Variants in HDAC9 observed in about 807,000 individuals in gnomAD.
HDAC9 encodes MEF-2 interacting transcription repressor (MITR) protein.
A neutral mutation model predicts 139.4 loss-of-function variants in HDAC9; 41 were observed. That is an observed-to-expected ratio of 0.29 (90% CI 0.23 to 0.38). HDAC9 has a LOEUF of 0.38. HDAC9 is among the 10% of genes least tolerant of loss of function. HDAC9 has a pLI of 1.00. For missense variants in HDAC9, 1,147 were observed against 1,297.0 expected (o/e 0.88, Z 1.78); for synonymous variants, 517 against 476.2 (o/e 1.09, Z -1.12).
At chr7:18,334,415 TC>T (rs1781434239) in intron 1 of HDAC9, among the ~76,000 whole-genome samples, 2 of 151,450 alleles carry the variant, frequency 1.3e-5, no homozygotes, top group African/African-American at 4.8e-5. Flanking sequence ...AAAAAGCTAT[TC>T]CTGCAGGAAA....
At chr7:18,706,431 A>T (rs1584883372) in intron 12 of HDAC9, among the ~76,000 whole-genome samples, 1 of 152,176 alleles carries the variant, frequency 6.6e-6, no homozygotes, top group Non-Finnish European at 1.5e-5. Flanking sequence ...ATAAAACAAC[A>T]AGCTGTTCCC....
chr7:18,496,336 T>C lies in HDAC9; in HGVS notation c.22+12T>C. 1 of 1,611,188 alleles carries C rather than the reference T, an allele frequency of 6.2e-7. No individual in the cohort carries two copies. Among genetic ancestry groups the C allele is most frequent in the Non-Finnish European group, 8.5e-7 (1 of 1,177,914 alleles). ...TATGATCAGCTCAGGTAAGATCCTC[T>C]TTCATAACTGAGACGTTTTAGGTTT... is the stretch of plus-strand genomic sequence containing the variant. On this transcript the variant is annotated intron_variant, in intron 2 of 25. Transcript: ENST00000686413.
intron 1 of HDAC9, among the ~76,000 whole-genome samples, chr7:18,342,020 C>T (rs1782052426): frequency 6.6e-6 from 1 of 151,634 alleles, no homozygotes; most frequent in Admixed American, 6.6e-5. Flanking sequence ...AAGAGGCTTT[C>T]CTCTCATTTC....
chr7:18,096,071 C>G (rs1584011682), intron 1 of HDAC9, among the ~76,000 whole-genome samples: 2 of 152,148 alleles, frequency 1.3e-5, no homozygotes, highest in East Asian at 3.9e-4. Context: ...TCTATAACAT[C>G]TTTTCGTTCC....
chr7:18,661,530 C>CT (rs564301119), intron 11 of HDAC9, among the ~76,000 whole-genome samples: 41 of 151,020 alleles, frequency 2.7e-4, no homozygotes, highest in African/African-American at 3.4e-4. Flanking sequence ...GGTTTCTACT[C>CT]TTTTTTTTTA....
upstream of HDAC9, chr7:18,290,249 A>G (rs1042807827): frequency 2.2e-5 from 7 of 321,500 alleles, no homozygotes; most frequent in Non-Finnish European, 3.7e-5. Flanking sequence ...CATACCAGCT[A>G]TAGTAACTGT....
chr7:18,908,248 T>C (rs528202150), intron 22 of HDAC9, among the ~76,000 whole-genome samples: 2 of 152,068 alleles, frequency 1.3e-5, no homozygotes, highest in Admixed American at 1.3e-4. Flanking sequence ...TTAAAAAAAA[T>C]TTTAATTGAC....
chr7:18,495,963 G>A lies in HDAC9; in HGVS notation c.-102G>A, dbSNP rs1396706834. ...TATTTCCCACCTGCTTGTAGTTTCC[G>A]GGATAACCTAAACTCCAGAGAGCTA... On this transcript the variant is annotated 5_prime_UTR_variant, in exon 1 of 26. Transcript: ENST00000686413. 2.4e-6 allele frequency: 3 copies of A among 1,254,154 alleles called. No individual in the cohort carries two copies. The highest frequency in any genetic ancestry group is 3.0e-6 in the Non-Finnish European group (3 of 1,000,992). 77.7% of individuals were successfully genotyped at this position (1,254,154 alleles called of 1,614,324 possible). A position where few individuals can be genotyped will look rare whatever the true frequency, so the allele number is the denominator to read the frequency against.
At chr7:18,670,572 G>C (rs1191814495) in intron 12 of HDAC9, among the ~76,000 whole-genome samples, 2 of 152,000 alleles carry the variant, frequency 1.3e-5, no homozygotes, top group African/African-American at 4.8e-5. Context: ...TGATGAAGGA[G>C]GTATTATTAT....
chr7:18,755,651 A>AT (rs1562916757), intron 14 of HDAC9, among the ~76,000 whole-genome samples: 1 of 152,132 alleles, frequency 6.6e-6, no homozygotes, highest in South Asian at 2.1e-4. Context: ...AAGGGATAAC[A>AT]TTTTTTTCTT....
chr7:18,201,441 A>G (rs1453276415), intron 2 of HDAC9, among the ~76,000 whole-genome samples: 1 of 152,224 alleles, frequency 6.6e-6, no homozygotes, highest in African/African-American at 2.4e-5. Context: ...CCAAGGTGGA[A>G]GCCAGCTTCT....
At chr7:18,821,130 C>A (rs979007109) in intron 17 of HDAC9, among the ~76,000 whole-genome samples, 3 of 152,194 alleles carry the variant, frequency 2.0e-5, no homozygotes, top group African/African-American at 7.2e-5. Context: ...GGCGAAAGGG[C>A]AAGCCCACCA....
intron 2 of HDAC9, among the ~76,000 whole-genome samples, chr7:18,551,813 G>C (rs1262639235): frequency 6.6e-6 from 1 of 152,212 alleles, no homozygotes; most frequent in African/African-American, 2.4e-5. Flanking sequence ...GGTGTTAACA[G>C]TTTTTCTGTG....
intron 1 of HDAC9, among the ~76,000 whole-genome samples, chr7:18,461,232 C>T (rs958759502): frequency 1.3e-5 from 2 of 152,032 alleles, no homozygotes; most frequent in African/African-American, 4.8e-5. Context: ...AGAATGCAAA[C>T]CTAACCCTTT....
chr7:18,234,064 C>T (rs995842376), intron 2 of HDAC9, among the ~76,000 whole-genome samples: 2 of 152,146 alleles, frequency 1.3e-5, no homozygotes, highest in East Asian at 3.9e-4. Flanking sequence ...GTTGGTTCTT[C>T]AGTTTGCCTA....
chr7:18,337,039 T>G (rs1781636140), intron 1 of HDAC9, among the ~76,000 whole-genome samples: 1 of 151,674 alleles, frequency 6.6e-6, no homozygotes, highest in East Asian at 1.9e-4. Context: ...TGAATTATAA[T>G]ATATTTAATT....
chr7:18,719,460 C>T (rs755777089), intron 12 of HDAC9, among the ~76,000 whole-genome samples: 9 of 151,362 alleles, frequency 5.9e-5, no homozygotes, highest in Non-Finnish European at 8.8e-5. Flanking sequence ...CTGCCTCAGC[C>T]TCCCTAGTAG....
chr7:18,516,862 GAAAAAA>G (rs35689821), intron 2 of HDAC9, among the ~76,000 whole-genome samples: 25 of 55,090 alleles, frequency 4.5e-4, no homozygotes, highest in African/African-American at 1.2e-3. Flanking sequence ...CTCCATTTCA[GAAAAAA>G]AAAAAAAAAA....
intron 17 of HDAC9, among the ~76,000 whole-genome samples, chr7:18,815,162 A>G (rs1794469274): frequency 6.6e-6 from 1 of 152,200 alleles, no homozygotes; most frequent in African/African-American, 2.4e-5. Context: ...TGTCTTAAAA[A>G]AATAGTGTCT....
Sources: allele counts gnomAD v4.1 joint callset (sites outside exome capture counted in the v4.1 genomes callset), GRCh38; gene constraint gnomAD v4.1.1; transcripts MANE v1.5; gene names NCBI Gene and HGNC (gene_info 2026-07-23, HGNC 2026-07-21).